NPAS3: variants seen among roughly 807,000 people sequenced by gnomAD.
NPAS3 encodes neuronal PAS domain-containing protein 3.
Under a neutral mutation model 73.1 loss-of-function variants are expected in NPAS3, and 14 were observed. The observed-to-expected ratio is 0.19, with a 90% CI of 0.13 to 0.30. The LOEUF (loss-of-function observed/expected upper bound fraction) is 0.30, where lower values mean the gene tolerates loss of function less well. Ranked by LOEUF, NPAS3 falls within the 10% of genes least tolerant of loss-of-function variation. NPAS3 has a pLI of 1.00. For missense variants in NPAS3, 1,096 were observed against 1,250.0 expected (o/e 0.88, Z 1.86); for synonymous variants, 620 against 541.5 (o/e 1.14, Z -2.01).
At chr14:33,386,601 C>G (rs72680145) in intron 4 of NPAS3, among the ~76,000 whole-genome samples, 2 of 151,658 alleles carry the variant, frequency 1.3e-5, no homozygotes, top group African/African-American at 4.8e-5. Flanking sequence ...AAGAAAGATT[C>G]GTGATGTTTG....
chr14:33,671,422 T>C (rs2140315783), intron 5 of NPAS3, among the ~76,000 whole-genome samples: 1 of 152,334 alleles, frequency 6.6e-6, no homozygotes, highest in Admixed American at 6.5e-5. Context: ...CAGCTGTGTC[T>C]AGTGTGCAAA....
intron 7 of NPAS3, among the ~76,000 whole-genome samples, chr14:33,745,822 G>T (rs1278740313): frequency 6.6e-6 from 1 of 152,076 alleles, no homozygotes; most frequent in Admixed American, 6.5e-5. Flanking sequence ...TGATTATAAG[G>T]GACAAAATAT....
At chr14:33,060,223 G>T (rs1307377999) in intron 2 of NPAS3, among the ~76,000 whole-genome samples, 1 of 152,212 alleles carries the variant, frequency 6.6e-6, no homozygotes, top group Non-Finnish European at 1.5e-5. Flanking sequence ...CTAGGTGTTT[G>T]TAGCTTCAAA....
chr14:32,994,611 G>GT lies in NPAS3; in HGVS notation c.50+55251dup, dbSNP rs1197652527. On this transcript the variant is annotated intron_variant, in intron 1 of 11. Coordinates refer to ENST00000356141, the Ensembl canonical transcript of NPAS3. ...AAAATTGGATAGGCTCGCCATTCTA[G>GT]TTTTTTGTTTGTTTGTTTGTTTTTG... 9.0e-3 allele frequency among the ~76,000 whole-genome samples: 1,172 copies of GT among 129,656 alleles called. 39 individuals carry two copies. The highest frequency in any genetic ancestry group is 0.034 in the African/African-American group (1,097 of 32,006). 85.1% of individuals were successfully genotyped at this position (129,656 alleles called of 152,430 possible). A position where few individuals can be genotyped will look rare whatever the true frequency, so the allele number is the denominator to read the frequency against.
chr14:33,498,931 AGAGAGTGTGTGTGTGTGTGT>A (rs1194549129), intron 4 of NPAS3, among the ~76,000 whole-genome samples: 63 of 119,330 alleles, frequency 5.3e-4, no homozygotes, highest in East Asian at 1.1e-3. Context: ...AGAGACAGAG[AGAGAGTGTGTGTGTGTGTGT>A]GTGTGTGTGT....
At chr14:33,478,001 A>G (rs1284648131) in intron 4 of NPAS3, among the ~76,000 whole-genome samples, 1 of 152,084 alleles carries the variant, frequency 6.6e-6, no homozygotes, top group East Asian at 1.9e-4. Context: ...CTGTTGTGCT[A>G]TTATGTGGGC....
At chr14:33,218,517 G>T (rs545383563) in intron 3 of NPAS3, among the ~76,000 whole-genome samples, 1 of 152,140 alleles carries the variant, frequency 6.6e-6, no homozygotes, top group South Asian at 2.1e-4. Context: ...CCTTGAAGAC[G>T]TTCATACGGA....
At chr14:33,756,133 T>G (rs2062109442) in intron 7 of NPAS3, among the ~76,000 whole-genome samples, 1 of 152,204 alleles carries the variant, frequency 6.6e-6, no homozygotes, top group Non-Finnish European at 1.5e-5. Context: ...TTGATTTCTT[T>G]TATTAGTGAT....
intron 5 of NPAS3, among the ~76,000 whole-genome samples, chr14:33,657,767 G>A (rs1208285738): frequency 6.6e-6 from 1 of 150,466 alleles, no homozygotes; most frequent in Non-Finnish European, 1.5e-5. Context: ...CAAATACACA[G>A]GCATTAATTA....
chr14:33,224,672 G>A (rs573440810), intron 3 of NPAS3, among the ~76,000 whole-genome samples: 9 of 152,020 alleles, frequency 5.9e-5, no homozygotes, highest in South Asian at 2.1e-4. Context: ...TCTATGTTCC[G>A]CTACTTACGA....
In NPAS3 at chr14:33,118,540, C is replaced by G. The variant is rs73268611; in HGVS notation, c.140+62546C>G. The stretch of plus-strand genomic sequence containing the variant: ...TACGGTCTGTCTTATATGGGATAGG[C>G]AAGTTCTATCTACAAATTAAAACAA... On this transcript the variant is annotated intron_variant, in intron 2 of 11. Coordinates refer to ENST00000356141, the Ensembl canonical transcript of NPAS3. Among the ~76,000 whole-genome samples, 447 of 152,200 alleles carry G rather than the reference C, an allele frequency of 2.9e-3. 2 individuals carry two copies. Among genetic ancestry groups the G allele is most frequent in the African/African-American group, 0.01 (430 of 41,540 alleles).
chr14:33,279,029 G>A (rs1331709525), intron 3 of NPAS3, among the ~76,000 whole-genome samples: 3 of 152,110 alleles, frequency 2.0e-5, no homozygotes, highest in African/African-American at 7.2e-5. Context: ...CTATGTAAAA[G>A]TACCAGTGGT....
At chr14:33,029,668 C>A (rs1197960648) in intron 1 of NPAS3, among the ~76,000 whole-genome samples, 1 of 152,164 alleles carries the variant, frequency 6.6e-6, no homozygotes, top group African/African-American at 2.4e-5. Context: ...ACCACCAAAC[C>A]TGGTGATCAA....
At chr14:33,458,214 G>A (rs2050107302) in intron 4 of NPAS3, among the ~76,000 whole-genome samples, 1 of 152,234 alleles carries the variant, frequency 6.6e-6, no homozygotes, top group Non-Finnish European at 1.5e-5. Context: ...TAAAACTTCA[G>A]TGGCTTAGAA....
chr14:33,336,921 T>C (rs1293898072), intron 3 of NPAS3, among the ~76,000 whole-genome samples: 1 of 152,170 alleles, frequency 6.6e-6, no homozygotes, highest in African/African-American at 2.4e-5. Flanking sequence ...CCATTTTTTA[T>C]TGGGTTGTTT....
chr14:32,955,691 G>A (rs994079526), intron 1 of NPAS3, among the ~76,000 whole-genome samples: 8 of 151,968 alleles, frequency 5.3e-5, no homozygotes, highest in African/African-American at 1.9e-4. Flanking sequence ...ACACCTTCTT[G>A]GAACAGAGTT....
At chr14:33,343,929 C>T (rs1282994719) in intron 3 of NPAS3, among the ~76,000 whole-genome samples, 3 of 152,156 alleles carry the variant, frequency 2.0e-5, no homozygotes, top group African/African-American at 7.2e-5. Flanking sequence ...TTTCTGGTAG[C>T]ACCAAGTGTC....
At chr14:33,770,190 G>C (rs1197362461) in intron 7 of NPAS3, among the ~76,000 whole-genome samples, 1 of 152,202 alleles carries the variant, frequency 6.6e-6, no homozygotes, top group African/African-American at 2.4e-5. Context: ...TTATTCCAAT[G>C]TGTAGCCATG....
chr14:33,034,624 A>T (rs2040102598), intron 1 of NPAS3, among the ~76,000 whole-genome samples: 1 of 152,228 alleles, frequency 6.6e-6, no homozygotes, highest in East Asian at 1.9e-4. Flanking sequence ...ATATTTTAGT[A>T]AAGTAAAATG....
Sources: allele counts gnomAD v4.1 joint callset (sites outside exome capture counted in the v4.1 genomes callset), GRCh38; gene constraint gnomAD v4.1.1; transcripts MANE v1.5; gene names NCBI Gene and HGNC (gene_info 2026-07-23, HGNC 2026-07-21).